The following PATJ variants were observed in gnomAD, a reference collection of about 807,000 sequenced individuals.
PATJ encodes the protein PATJ crumbs cell polarity complex component, also known as inaD-like protein.
Under a neutral mutation model 224.9 loss-of-function variants are expected in PATJ, and 190 were observed. That is an observed-to-expected ratio of 0.84 (90% CI 0.75 to 0.95). The LOEUF (loss-of-function observed/expected upper bound fraction) is 0.95, where lower values mean the gene tolerates loss of function less well. PATJ is among the 40% of genes least tolerant of loss of function. The pLI is 0.00. For missense variants in PATJ, 2,121 were observed against 2,270.3 expected, an observed-to-expected ratio of 0.93 and a Z score of 1.34; for synonymous variants, 769 against 820.3, an observed-to-expected ratio of 0.94 and a Z score of 1.07.
intron 43 of PATJ, among the ~76,000 whole-genome samples, chr1:62,153,905 CTTT>C (rs954999879): frequency 2.0e-5 from 3 of 152,098 alleles, no homozygotes; most frequent in African/African-American, 7.2e-5. Flanking sequence ...TCAGTGCATT[CTTT>C]ATTTTATTTT....
At chr1:62,106,614 C>T (rs953616621) in intron 33 of PATJ, among the ~76,000 whole-genome samples, 2 of 152,056 alleles carry the variant, frequency 1.3e-5, no homozygotes, top group Non-Finnish European at 2.9e-5. Flanking sequence ...AATTCTGAGG[C>T]TCCATACTTC....
intron 27 of PATJ, 110 bp from the exon 28 acceptor site, chr1:61,990,058 A>C: frequency 1.2e-6 from 1 of 850,644 alleles, no homozygotes; most frequent in Non-Finnish European, 1.8e-6. Context: ...CTCTTAAAAA[A>C]CAAAAAAGGT....
chr1:62,114,449 A>G (rs1664227082), intron 35 of PATJ: 2 of 547,762 alleles, frequency 3.7e-6, no homozygotes, highest in East Asian at 6.5e-5. Context: ...CTCCAAGTCC[A>G]ATCAATCCAG....
chr1:61,981,681 T>A (rs1235031191), intron 27 of PATJ, among the ~76,000 whole-genome samples: 5 of 151,500 alleles, frequency 3.3e-5, no homozygotes. Flanking sequence ...TTCTTTTTTT[T>A]TTTTTTTGGA....
chr1:62,072,971 G>A, intron 31 of PATJ: 1 of 885,960 alleles, frequency 1.1e-6, no homozygotes, highest in Non-Finnish European at 1.4e-6. Context: ...ATTGGAAAGT[G>A]CGGTTGAGCC....
At chr1:62,030,172 T>G (rs1648941793) in intron 29 of PATJ, among the ~76,000 whole-genome samples, 1 of 152,190 alleles carries the variant, frequency 6.6e-6, no homozygotes, top group Non-Finnish European at 1.5e-5. Context: ...CTCAGCGGTG[T>G]TTTAAATTTT....
chr1:61,919,616 A>G (rs922652390), intron 26 of PATJ, among the ~76,000 whole-genome samples: 6 of 151,974 alleles, frequency 3.9e-5, no homozygotes, highest in Non-Finnish European at 8.8e-5. Flanking sequence ...AAGTTTTGCT[A>G]AGTTCCTGTT....
At chr1:62,148,480 A>G (rs2149030156) in intron 42 of PATJ, 90 bp downstream of exon 42, 2 of 883,736 alleles carry the variant, frequency 2.3e-6, no homozygotes, top group Non-Finnish European at 3.8e-6. Context: ...CTAAAGGAGA[A>G]GTGGCCAAAG....
In PATJ at chr1:62,086,210, G is replaced by T. The variant is rs376891725; in HGVS notation, c.4377+1562G>T. Among the ~76,000 whole-genome samples, 19 of 151,438 alleles carry T rather than the reference G, an allele frequency of 1.3e-4. 1 individual carries two copies. In the South Asian group the frequency reaches 4.0e-3, roughly 32 times the overall value. On this transcript the variant is annotated intron_variant, in intron 33 of 43. Coordinates refer to ENST00000642238, the MANE Select transcript of PATJ (RefSeq NM_001350145.3). The surrounding 1 kb of genome is among the most constrained non-coding windows in gnomAD (Gnocchi z 4.0). ...TTTTCCTGGGTTTTGATTTACTCAA[G>T]ATGTGATTAATTAATGCATGTGTGT...
intron 7 of PATJ, among the ~76,000 whole-genome samples, chr1:61,787,329 G>T (rs375212522): frequency 1.3e-5 from 2 of 152,058 alleles, no homozygotes; most frequent in Non-Finnish European, 2.9e-5. Flanking sequence ...TCTTGTAGCC[G>T]CACTGGCATC....
intron 4 of PATJ, among the ~76,000 whole-genome samples, chr1:61,768,518 A>G (rs1646423295): frequency 1.4e-5 from 2 of 142,774 alleles, no homozygotes; most frequent in African/African-American, 2.6e-5. Flanking sequence ...AATCAACAAT[A>G]GAATTAAAAA....
At chr1:62,084,411 G>T (rs373300304) in intron 32 of PATJ, 104 bp from the exon 33 acceptor site, 3 of 1,202,582 alleles carry the variant, frequency 2.5e-6, no homozygotes, top group South Asian at 3.5e-5. Flanking sequence ...GGAAAAGAGT[G>T]CAGTGATAAA....
intron 14 of PATJ, among the ~76,000 whole-genome samples, chr1:61,813,098 G>A (rs1350838969): frequency 6.6e-6 from 1 of 151,622 alleles, no homozygotes; most frequent in Non-Finnish European, 1.5e-5. Context: ...TTCATCACGT[G>A]GTTCAGCTTT....
At chr1:62,062,391 TC>T (rs1655638012) in intron 31 of PATJ, among the ~76,000 whole-genome samples, 4 of 137,964 alleles carry the variant, frequency 2.9e-5, no homozygotes, top group Admixed American at 1.5e-4. Flanking sequence ...TATGTTGTCT[TC>T]TTTTTTTTTT....
At chr1:61,965,582 G>A (rs1313936941) in intron 27 of PATJ, among the ~76,000 whole-genome samples, 1 of 152,176 alleles carries the variant, frequency 6.6e-6, no homozygotes, top group Non-Finnish European at 1.5e-5. Context: ...CCCACGAGGG[G>A]AAGTGGGTAG....
At chr1:61,793,002 G>A (rs1351215413) in intron 9 of PATJ, among the ~76,000 whole-genome samples, 1 of 152,164 alleles carries the variant, frequency 6.6e-6, no homozygotes, top group Admixed American at 6.6e-5. Context: ...GTAGAAAAAT[G>A]AATAAGAGAA....
At chr1:62,014,126 G>A (rs1646625816) in intron 28 of PATJ, among the ~76,000 whole-genome samples, 1 of 152,034 alleles carries the variant, frequency 6.6e-6, no homozygotes, top group South Asian at 2.1e-4. Flanking sequence ...TACAGTCATA[G>A]CTCACTGCAG....
chr1:61,876,702 C>T (rs1667376960), intron 21 of PATJ, among the ~76,000 whole-genome samples: 1 of 152,026 alleles, frequency 6.6e-6, no homozygotes, highest in South Asian at 2.1e-4. Context: ...TTTATACTGT[C>T]AAGATCAAAA....
intron 32 of PATJ, among the ~76,000 whole-genome samples, chr1:62,079,918 C>G (rs951367674): frequency 6.6e-6 from 1 of 151,690 alleles, no homozygotes; most frequent in African/African-American, 2.4e-5. Flanking sequence ...ATCCCAGCTA[C>G]TCGGGAGGCT....
Sources: gnomAD v4.1 joint callset for allele counts (sites outside exome capture counted in the v4.1 genomes callset) on GRCh38, gnomAD v4.1.1 for gene constraint, Gnocchi (gnomAD v3.1) non-coding constraint, MANE v1.5 for transcripts, NCBI Gene and HGNC (gene_info 2026-07-23, HGNC 2026-07-21) for gene names.